Variants in TTC27 observed in about 807,000 individuals in gnomAD.
TTC27 encodes the protein tetratricopeptide repeat domain 27.
Under a neutral mutation model 115.9 loss-of-function variants are expected in TTC27, and 79 were observed. The observed-to-expected ratio is 0.68, with a 90% CI of 0.57 to 0.82. TTC27 has a LOEUF of 0.82. TTC27 is among the 40% of genes least tolerant of loss of function. The pLI is 0.00. For missense variants in TTC27, 1,054 were observed against 993.1 expected (o/e 1.06, Z -0.82); for synonymous variants, 401 against 356.0 (o/e 1.13, Z -1.42).
At chr2:32,781,581 C>G (rs1284810583) in intron 14 of TTC27, among the ~76,000 whole-genome samples, 1 of 151,894 alleles carries the variant, frequency 6.6e-6, no homozygotes, top group Non-Finnish European at 1.5e-5. Flanking sequence ...TAAAGTGGGT[C>G]TGGAGTTGTC....
chr2:32,737,859 A>T (rs551540924), intron 12 of TTC27, among the ~76,000 whole-genome samples: 3 of 152,192 alleles, frequency 2.0e-5, no homozygotes, highest in African/African-American at 7.2e-5. Flanking sequence ...AAATTAAAAA[A>T]TAAAAAATTA....
intron 9 of TTC27, among the ~76,000 whole-genome samples, chr2:32,691,552 G>A (rs1375224426): frequency 6.6e-6 from 1 of 152,012 alleles, no homozygotes; most frequent in East Asian, 1.9e-4. Context: ...GTCCACCTCA[G>A]CCTCCCAAAG....
rs1667661262 is a variant in TTC27, at chr2:32,713,741, G to C, written c.1233+10821G>C. 5.9e-5 allele frequency among the ~76,000 whole-genome samples: 9 copies of C among 152,220 alleles called. No individual in the cohort carries two copies. In the South Asian group the frequency reaches 1.7e-3, roughly 28 times the overall value. The stretch of plus-strand genomic sequence containing the variant: ...AAGTCAGATTTCACAATTTTTAAAT[G>C]ACTTTTTTCCTAGAATATTTGTTCT... On this transcript the variant is annotated intron_variant, in intron 10 of 19. Transcript: ENST00000317907.
intron 10 of TTC27, among the ~76,000 whole-genome samples, chr2:32,729,238 T>C (rs1279680773): frequency 2.6e-5 from 4 of 152,244 alleles, no homozygotes; most frequent in Non-Finnish European, 5.9e-5. Context: ...GATGAGAACA[T>C]ATAAATAAGT....
At chr2:32,720,042 G>C (rs1428487020) in intron 10 of TTC27, among the ~76,000 whole-genome samples, 1 of 152,014 alleles carries the variant, frequency 6.6e-6, no homozygotes, top group East Asian at 1.9e-4. Context: ...TGTTACTTCA[G>C]GATCTTCACT....
chr2:32,769,281 A>G (rs960814481), intron 13 of TTC27, among the ~76,000 whole-genome samples: 1 of 152,240 alleles, frequency 6.6e-6, no homozygotes, highest in East Asian at 1.9e-4. Context: ...AACAAGAGCA[A>G]ATGTCAGCGA....
At chr2:32,636,333 C>A (rs1159664428) in intron 3 of TTC27, among the ~76,000 whole-genome samples, 3 of 152,166 alleles carry the variant, frequency 2.0e-5, no homozygotes, top group Admixed American at 2.0e-4. Context: ...CCCACCTCAG[C>A]CTCCCAAGCA....
intron 13 of TTC27, among the ~76,000 whole-genome samples, chr2:32,760,175 T>C (rs1009865373): frequency 3.3e-4 from 50 of 152,194 alleles, no homozygotes; most frequent in Non-Finnish European, 6.3e-4. Flanking sequence ...TTCCGAACTC[T>C]GAATGGTGAA....
intron 2 of TTC27, among the ~76,000 whole-genome samples, chr2:32,633,210 G>A (rs923476471): frequency 1.3e-5 from 2 of 152,136 alleles, no homozygotes; most frequent in East Asian, 1.9e-4. Flanking sequence ...AATCAACACC[G>A]TTCAAGATAA....
intron 16 of TTC27, among the ~76,000 whole-genome samples, chr2:32,804,924 A>G (rs1287156223): frequency 6.6e-6 from 1 of 152,186 alleles, no homozygotes; most frequent in Non-Finnish European, 1.5e-5. Context: ...AATTACAAAA[A>G]CAAAACCCAT....
Position 32,664,430 on chromosome 2 carries a change from T to G in TTC27, c.768T>G (p.Ile256Met). 6.2e-7 allele frequency: 1 copy of G among 1,609,756 alleles called. No individual in the cohort carries two copies. Among genetic ancestry groups the G allele is most frequent in the Non-Finnish European group, 8.5e-7 (1 of 1,179,038 alleles). Reference sequence around the variant, plus strand: ...GAAAAGCAAAAGATCAGTTGGATATTGCTAAGGACATCAGCCAATTACAAA... The same window carrying G: ...GAAAAGCAAAAGATCAGTTGGATATGGCTAAGGACATCAGCCAATTACAAA... ...EYRKAKDQLD[I>M]AKDISQLQID... Residue 256 changes from isoleucine to methionine, a missense_variant, in exon 6 of 20, where the codon ATT (isoleucine) becomes ATG (methionine). Coordinates refer to ENST00000317907, the MANE Select transcript of TTC27 (RefSeq NM_017735.5).
chr2:32,663,344 A>T (rs1665624938), intron 5 of TTC27, among the ~76,000 whole-genome samples: 1 of 152,146 alleles, frequency 6.6e-6, no homozygotes, highest in South Asian at 2.1e-4. Context: ...GGTTGAGAAG[A>T]CGGGAAAAGC....
At chr2:32,789,486 A>G (rs1227796405) in intron 16 of TTC27, among the ~76,000 whole-genome samples, 2 of 152,222 alleles carry the variant, frequency 1.3e-5, no homozygotes, top group Non-Finnish European at 2.9e-5. Flanking sequence ...TAACAGTGGT[A>G]TTATAGATAC....
chr2:32,810,596 G>A (rs1487532915), intron 16 of TTC27, among the ~76,000 whole-genome samples: 1 of 152,186 alleles, frequency 6.6e-6, no homozygotes, highest in East Asian at 1.9e-4. Context: ...AGGGATATTG[G>A]TGTAACCTGT....
chr2:32,802,880 T>A (rs947239136), intron 16 of TTC27, among the ~76,000 whole-genome samples: 6 of 152,242 alleles, frequency 3.9e-5, no homozygotes. Flanking sequence ...GTTACAAGAT[T>A]TTCTGCACAT....
chr2:32,629,503 C>T (rs529013756), intron 1 of TTC27, among the ~76,000 whole-genome samples: 27 of 152,042 alleles, frequency 1.8e-4, no homozygotes, highest in East Asian at 3.9e-4. Flanking sequence ...GGCGCGATCT[C>T]GGCTCACTGC....
At chr2:32,637,188 A>G (rs139708391) in intron 3 of TTC27, among the ~76,000 whole-genome samples, 125 of 152,240 alleles carry the variant, frequency 8.2e-4, no homozygotes, top group Non-Finnish European at 1.1e-3. Flanking sequence ...TCCCTGTATA[A>G]TTTTTATTTG....
chr2:32,729,629 G>A (rs1363868520), intron 10 of TTC27, among the ~76,000 whole-genome samples: 1 of 152,090 alleles, frequency 6.6e-6, no homozygotes, highest in African/African-American at 2.4e-5. Context: ...TATCACAGTA[G>A]TCCATGCAAC....
At chr2:32,791,796 G>A (rs773346235) in intron 16 of TTC27, among the ~76,000 whole-genome samples, 24 of 152,090 alleles carry the variant, frequency 1.6e-4, no homozygotes, top group Non-Finnish European at 3.2e-4. Context: ...GATTGCTTAA[G>A]CCCAGGAGTT....
Sources: gnomAD v4.1 joint callset for allele counts (sites outside exome capture counted in the v4.1 genomes callset) on GRCh38, gnomAD v4.1.1 for gene constraint, MANE v1.5 for transcripts, NCBI Gene and HGNC (gene_info 2026-07-23, HGNC 2026-07-21) for gene names.